RBPJ: variants seen among roughly 807,000 people sequenced by gnomAD.
The protein encoded by RBPJ is recombining binding protein suppressor of hairless.
RBPJ carries 9 observed loss-of-function variants against 67.8 expected under a neutral mutation model. That is an observed-to-expected ratio of 0.13 (90% confidence interval 0.08 to 0.23). The LOEUF (loss-of-function observed/expected upper bound fraction) is 0.23. Among genes scored for constraint, RBPJ ranks in the 10% least tolerant of loss-of-function variants. The pLI is 1.00. For missense variants in RBPJ, 305 were observed against 595.6 expected, an observed-to-expected ratio of 0.51 and a Z score of 5.08; for synonymous variants, 198 against 203.3, an observed-to-expected ratio of 0.97 and a Z score of 0.22.
chr4:26,240,198 C>T lies in RBPJ; in HGVS notation c.-167+76584C>T, dbSNP rs2109217236. Among the ~76,000 whole-genome samples the T allele has an allele frequency of 2.6e-5, 4 of 152,306 alleles. No individual in the cohort carries two copies. The Middle Eastern group carries it at 0.01, about 391-fold the overall frequency. On this transcript the variant is annotated intron_variant, in intron 1 of 4. Transcript: ENST00000512351. ...ATACCCCAACATCGCATGAGGCCTA[C>T]TAAAAAATCATTTGCCGTTTATCTG...
Position 26,225,341 on chromosome 4 carries a change from T to C in RBPJ, c.-167+61727T>C, listed in dbSNP as rs560877424. On this transcript the variant is annotated intron_variant, in intron 1 of 4. Transcript: ENST00000512351. ...AAAAACTTAATTGCTTATAGTTAAG[T>C]GAAATAAGCTAGCCCGAAAAGGCTA... 3.3e-5 allele frequency among the ~76,000 whole-genome samples: 5 copies of C among 152,128 alleles called. No individual in the cohort carries two copies. The South Asian group carries it at 1.0e-3, about 32-fold the overall frequency.
At chr4:26,159,613 C>G (rs1183510526), upstream of RBPJ, among the ~76,000 whole-genome samples, 1 of 152,176 alleles carries the variant, frequency 6.6e-6, no homozygotes, top group Non-Finnish European at 1.5e-5. Flanking sequence ...TTACCTTGTG[C>G]AGGACACCTT....
chr4:26,174,712 C>T (rs1036344578), intron 1 of RBPJ, among the ~76,000 whole-genome samples: 21 of 152,170 alleles, frequency 1.4e-4, no homozygotes, highest in African/African-American at 4.1e-4. Flanking sequence ...TCAGGTGATC[C>T]GCCCAACTTG....
chr4:26,318,129 G>GCA (rs33941779), upstream of RBPJ, among the ~76,000 whole-genome samples: 3,118 of 146,754 alleles, frequency 0.021, 59 homozygotes, highest in Admixed American at 0.063. Flanking sequence ...ACACACACAC[G>GCA]CACACACACA....
chr4:26,144,732 G>A, the RBPJ span, among the ~76,000 whole-genome samples: 19 of 152,346 alleles, frequency 1.2e-4, no homozygotes, highest in Non-Finnish European at 2.6e-4. Context: ...TTTGTAATAT[G>A]TTTTCTTTTG....
intron 2 of RBPJ, 140 bp downstream of exon 2, chr4:26,386,531 C>T: frequency 1.8e-6 from 1 of 568,804 alleles, no homozygotes; most frequent in Non-Finnish European, 3.0e-6. Context: ...CTCAAACTTC[C>T]TTTCCCTCAT....
intron 1 of RBPJ, among the ~76,000 whole-genome samples, chr4:26,281,572 G>T (rs1352497174): frequency 2.6e-5 from 4 of 152,148 alleles, no homozygotes; most frequent in Non-Finnish European, 5.9e-5. Flanking sequence ...GAGCCACCAT[G>T]CCCACCACTC....
At chr4:26,308,136 C>T (rs1478858387) in intron 1 of RBPJ, among the ~76,000 whole-genome samples, 1 of 152,198 alleles carries the variant, frequency 6.6e-6, no homozygotes, top group South Asian at 2.1e-4. Context: ...ATTAGCCGGG[C>T]GTGGTGGCGG....
At chr4:26,120,287 C>T in the RBPJ span, among the ~76,000 whole-genome samples, 6 of 152,240 alleles carry the variant, frequency 3.9e-5, no homozygotes, top group African/African-American at 4.8e-5. Flanking sequence ...TCCAGATCTC[C>T]GCTGGGCAGG....
intron 1 of RBPJ, among the ~76,000 whole-genome samples, chr4:26,195,054 A>G (rs1187413077): frequency 2.0e-5 from 3 of 152,228 alleles, no homozygotes; most frequent in Admixed American, 6.5e-5. Context: ...TTTATAAATG[A>G]ATACGTGTTT....
intron 1 of RBPJ, among the ~76,000 whole-genome samples, chr4:26,258,787 TTTTA>T (rs1484615127): frequency 1.8e-4 from 18 of 98,316 alleles, no homozygotes; most frequent in Non-Finnish European, 3.2e-4. Context: ...TTAAACATTT[TTTTA>T]TTATTTATTT....
intron 4 of RBPJ, among the ~76,000 whole-genome samples, 168 bp from the exon 5 acceptor site, chr4:26,420,383 G>A (rs879706675): frequency 6.6e-6 from 1 of 152,038 alleles, no homozygotes; most frequent in African/African-American, 2.4e-5. Flanking sequence ...GTACTTTTCC[G>A]AAATCAATTT....
rs759154107 is a variant in RBPJ at position 26,430,062 on chromosome 4, G to C, written c.1044+9G>C. ...TGGTAGAGAGCCTTCAGGTGAGAAC[G>C]CCTAGTCCAAGTTGGCCTTCAGCTC... On this transcript the variant is annotated intron_variant, in intron 9 of 10. Transcript: ENST00000355476. This position sits in a 1 kb window ranked among gnomAD's most constrained non-coding sequence, Gnocchi z 4.1. The C allele has an allele frequency of 8.1e-6, 13 of 1,613,714 alleles. No individual in the cohort carries two copies. In the African/African-American group the frequency reaches 9.3e-5, roughly 12 times the overall value.
intron 1 of RBPJ, among the ~76,000 whole-genome samples, chr4:26,297,496 G>A (rs768847490): frequency 6.6e-6 from 1 of 151,924 alleles, no homozygotes; most frequent in Non-Finnish European, 1.5e-5. Flanking sequence ...GCTGGCCTTC[G>A]CTTCCACGTG....
intron 3 of RBPJ, among the ~76,000 whole-genome samples, chr4:26,407,115 T>G (rs755164203): frequency 6.6e-6 from 1 of 152,256 alleles, no homozygotes; most frequent in Non-Finnish European, 1.5e-5. Context: ...GAAATACTTA[T>G]GTGATACATT....
At chr4:26,106,899 A>AG in the RBPJ span, among the ~76,000 whole-genome samples, 5 of 152,158 alleles carry the variant, frequency 3.3e-5, no homozygotes, top group African/African-American at 1.2e-4. Context: ...AGGAAACAGA[A>AG]GGGGGGTTTC....
chr4:26,415,457 TC>T lies in RBPJ; in HGVS notation c.156-14del, dbSNP rs527887208. 5.2e-6 allele frequency: 8 copies of T among 1,546,954 alleles called. No homozygotes were observed. Among genetic ancestry groups the T allele is most frequent in the Admixed American group, 4.4e-5 (2 of 45,312 alleles). On this transcript the variant is annotated splice_polypyrimidine_tract_variant and intron_variant, in intron 3 of 10. Transcript: ENST00000355476. ...GATTTTTGCTTCTTGTTTTTTTTTT[TC>T]CCCTATTATTCTTCAGGTTTTTTTG...
chr4:26,240,174 T>C (rs1719589919), intron 1 of RBPJ, among the ~76,000 whole-genome samples: 1 of 152,218 alleles, frequency 6.6e-6, no homozygotes, highest in African/African-American at 2.4e-5. Flanking sequence ...AGTGTAACTA[T>C]ACCCCAACAT....
At chr4:26,325,792 T>C (rs1013454896) in intron 1 of RBPJ, among the ~76,000 whole-genome samples, 1 of 152,194 alleles carries the variant, frequency 6.6e-6, no homozygotes, top group African/African-American at 2.4e-5. Flanking sequence ...CCCAGCAGTT[T>C]AATGCGTTCT....
Sources: allele counts gnomAD v4.1 joint callset (sites outside exome capture counted in the v4.1 genomes callset), GRCh38; gene constraint gnomAD v4.1.1; non-coding constraint Gnocchi (gnomAD v3.1); transcripts MANE v1.5; gene names NCBI Gene and HGNC (gene_info 2026-07-23, HGNC 2026-07-21).